ROS1: variants seen among roughly 807,000 people sequenced by gnomAD.
ROS1 encodes the protein ROS proto-oncogene 1, receptor tyrosine kinase.
ROS1 carries 263 observed loss-of-function variants against 273.5 expected under a neutral mutation model. That is an observed-to-expected ratio of 0.96 (90% CI 0.87 to 1.06). The LOEUF (loss-of-function observed/expected upper bound fraction) is 1.06. Ranked by LOEUF, ROS1 falls within the 50% of genes least tolerant of loss-of-function variation. ROS1 has a pLI of 0.00. For synonymous variants in ROS1, 1,008 were observed against 954.1 expected (o/e 1.06, Z -1.04); for missense variants, 2,833 against 2,751.1 (o/e 1.03, Z -0.67).
rs550292264 is a variant in ROS1 at position 117,409,724 on chromosome 6, G to A, written c.256-82C>T. ...AAGCTTCAACTAAATTTTAAAATCCGAATGCCTAATATGCAAGTATATCTT... is the reference window on the plus strand; with the variant it reads ...AAGCTTCAACTAAATTTTAAAATCCAAATGCCTAATATGCAAGTATATCTT... On this transcript the variant is annotated intron_variant, in intron 4 of 43. Coordinates refer to ENST00000368507, the MANE Select transcript of ROS1 (RefSeq NM_001378902.1). 6.9e-5 allele frequency: 73 copies of A among 1,055,546 alleles called. 1 individual carries two copies. The South Asian group carries it at 7.3e-4, about 11-fold the overall frequency. 65.4% of individuals were successfully genotyped at this position (1,055,546 alleles called of 1,614,324 possible).
At chr6:117,306,582 G>C (rs1446430087) in intron 42 of ROS1, among the ~76,000 whole-genome samples, 1 of 152,164 alleles carries the variant, frequency 6.6e-6, no homozygotes, top group Non-Finnish European at 1.5e-5. Context: ...ATTAATAGCT[G>C]AGTACAGCAT....
chr6:117,323,337 G>T (rs1361303164), intron 35 of ROS1, among the ~76,000 whole-genome samples: 1 of 152,166 alleles, frequency 6.6e-6, no homozygotes, highest in Non-Finnish European at 1.5e-5. Flanking sequence ...ACAGTAAAGT[G>T]TTGGCTGTCT....
intron 32 of ROS1, among the ~76,000 whole-genome samples, chr6:117,331,485 C>T (rs1777074065): frequency 6.6e-6 from 1 of 152,132 alleles, no homozygotes; most frequent in Admixed American, 6.5e-5. Flanking sequence ...TCGGCAAACA[C>T]AGAGAACACC....
intron 33 of ROS1, among the ~76,000 whole-genome samples, chr6:117,327,904 A>G (rs1776761683): frequency 6.6e-6 from 1 of 152,190 alleles, no homozygotes; most frequent in Non-Finnish European, 1.5e-5. Context: ...TGCACCTACG[A>G]GCCAAGGAAT....
rs1028345885 is a variant in ROS1, at chr6:117,365,177, G to T, written c.2986C>A (p.Pro996Thr). 2 of 1,610,256 alleles carry T rather than the reference G, an allele frequency of 1.2e-6. No homozygotes were observed. The highest frequency in any genetic ancestry group is 1.7e-6 in the Non-Finnish European group (2 of 1,177,736). The change falls in exon 21 of 44, where the codon CCT becomes ACT. Residue 996 changes from proline to threonine, a missense_variant. Transcript: ENST00000368507. ...KFLASEQHSL[P>T]VFTVEGLEPY... ...TCCAGTCCTTCCACAGTAAATACAG[G>T]TAAAGAGTGTTGTTCACTAGCCAAG... is the stretch of plus-strand genomic sequence containing the variant.
chr6:117,385,119 C>T (rs1027218854), intron 16 of ROS1, among the ~76,000 whole-genome samples: 6 of 152,190 alleles, frequency 3.9e-5, no homozygotes, highest in African/African-American at 1.2e-4. Context: ...TTGAATCATG[C>T]TTTTGGAGCA....
rs1381448586 is a variant in ROS1, at chr6:117,310,368, A to G, written c.6216-87T>C. ...AGAAGTAGCCCTAGTAGGTCTGTAAAGAAGAGAAACTATTTTTTTTTTTTT... is the reference window on the plus strand; with the variant it reads ...AGAAGTAGCCCTAGTAGGTCTGTAAGGAAGAGAAACTATTTTTTTTTTTTT... On this transcript the variant is annotated intron_variant, in intron 40 of 43. Transcript: ENST00000368507. 5.1e-6 allele frequency: 5 copies of G among 980,664 alleles called. No individual in the cohort carries two copies. The Admixed American group carries it at 1.4e-4, about 27-fold the overall frequency. 60.7% of individuals were successfully genotyped at this position (980,664 alleles called of 1,614,324 possible). A position where few individuals can be genotyped will look rare whatever the true frequency, so the allele number is the denominator to read the frequency against.
intron 7 of ROS1, among the ~76,000 whole-genome samples, chr6:117,400,720 C>T (rs1773863653): frequency 6.6e-6 from 1 of 152,190 alleles, no homozygotes; most frequent in African/African-American, 2.4e-5. Context: ...TGTCCCTCTT[C>T]TTCTTCCCAG....
At chr6:117,380,275 A>G (rs1436082631) in intron 17 of ROS1, among the ~76,000 whole-genome samples, 1 of 152,168 alleles carries the variant, frequency 6.6e-6, no homozygotes, top group Non-Finnish European at 1.5e-5. Context: ...ACAATAAGGT[A>G]TCCAAGAGCT....
At chr6:117,383,877 T>G (rs907178487) in intron 16 of ROS1, among the ~76,000 whole-genome samples, 5 of 152,238 alleles carry the variant, frequency 3.3e-5, no homozygotes, top group Admixed American at 1.3e-4. Flanking sequence ...AATGATGACA[T>G]CTCTCCTTGC....
intron 1 of ROS1, 27 bp from the exon 2 acceptor site, chr6:117,418,533 A>G (rs771110883): frequency 1.9e-6 from 3 of 1,580,316 alleles, no homozygotes; most frequent in South Asian, 2.3e-5. Context: ...GGTAGTAAAC[A>G]CCAGCCATCA....
In ROS1 at chr6:117,389,511, T is replaced by A. The variant is rs2128704470; in HGVS notation, c.1625A>T (p.Asp542Val). The A allele has an allele frequency of 1.2e-6, 2 of 1,614,150 alleles. No homozygotes were observed. Among genetic ancestry groups the A allele is most frequent in the Non-Finnish European group, 1.7e-6 (2 of 1,180,028 alleles). ...CCCAAATTCTTCTATGTGACTCAGGTCACATCCCACGATGAATTCATTAAA... is the reference window on the plus strand; with the variant it reads ...CCCAAATTCTTCTATGTGACTCAGGACACATCCCACGATGAATTCATTAAA... ...LSFNEFIVGC[D>V]LSHIEEFGFG... is the part of the protein sequence containing the mutation. The change falls in exon 13 of 44, where the codon GAC (aspartate) becomes GTC (valine). Residue 542 changes from aspartate to valine, a missense_variant. Coordinates refer to ENST00000368507, the MANE Select transcript of ROS1 (RefSeq NM_001378902.1).
chr6:117,321,292 C>G lies in ROS1; in HGVS notation c.5726G>C (p.Gly1909Ala). Residue 1909 changes from glycine to alanine, a missense_variant, in exon 36 of 44, where the codon GGA becomes GCA. Physicochemically the swap from Gly to Ala is moderately conservative, Grantham distance 60. Transcript: ENST00000368507. ...ATAGCAGGCATTAGCCAGGCCTACT[C>G]CGGCTGCCAGACCTCGCAGCTCAGC... ...ELAELRGLAA[G>A]VGLANACYAI... 6.2e-7 allele frequency: 1 copy of G among 1,613,856 alleles called. No homozygotes were observed. The highest frequency in any genetic ancestry group is 8.5e-7 in the Non-Finnish European group (1 of 1,179,846).
chr6:117,358,093 T>G (rs1257567997), intron 24 of ROS1, 84 bp from the exon 25 acceptor site: 2 of 843,446 alleles, frequency 2.4e-6, no homozygotes, highest in African/African-American at 1.7e-5. Flanking sequence ...CCATATCATT[T>G]GTTTACTGCA....
At position 117,308,822 on chromosome 6, in the gene ROS1, C is replaced by G. The variant is rs2128545962; in HGVS notation, c.6523G>C (p.Glu2175Gln). 1 of 1,612,834 alleles carries G rather than the reference C, an allele frequency of 6.2e-7. No individual in the cohort carries two copies. The highest frequency in any genetic ancestry group is 8.5e-7 in the Non-Finnish European group (1 of 1,179,460). Residue 2175 changes from glutamate to glutamine, a missense_variant, in exon 42 of 44, where the codon GAG (glutamate) becomes CAG (glutamine). Coordinates refer to ENST00000368507, the MANE Select transcript of ROS1 (RefSeq NM_001378902.1). Reference sequence around the variant, plus strand: ...TCATCAGGACAATTTCTTGGTGGCTCCAGTCTCCCTCCTGTTTGCACATAG... The same window carrying G: ...TCATCAGGACAATTTCTTGGTGGCTGCAGTCTCCCTCCTGTTTGCACATAG... The part of the protein sequence containing the change: ...LNYVQTGGRL[E>Q]PPRNCPDDLW...
Position 117,288,701 on chromosome 6 carries a change from T to C in ROS1, c.6817A>G (p.Thr2273Ala), listed in dbSNP as rs374450773. 8.1e-6 allele frequency: 13 copies of C among 1,614,012 alleles called. No individual in the cohort carries two copies. The African/African-American group carries it at 1.5e-4, about 18-fold the overall frequency. Residue 2273 changes from threonine (T) to alanine (A), a missense_variant, in exon 44 of 44, where the codon ACA becomes GCA. Thr to Ala is a moderately conservative substitution (Grantham distance 58, BLOSUM62 0). Transcript: ENST00000368507. ...TTTTCTTCACCTTGGCCACATTCTG[T>C]AGCAAGTACCATATAGTTTAACCCT... ...REGLNYMVLA[T>A]ECGQGEEKSE...
At position 117,425,752 on chromosome 6, in the gene ROS1, G is replaced by A. The variant is rs1230944571; in HGVS notation, c.-96C>T. 1 of 1,345,238 alleles carries A rather than the reference G, an allele frequency of 7.4e-7. No homozygotes were observed. The highest frequency in any genetic ancestry group is 1.0e-6 in the Non-Finnish European group (1 of 963,368). 83.3% of individuals were successfully genotyped at this position (1,345,238 alleles called of 1,614,324 possible). A position where few individuals can be genotyped will look rare whatever the true frequency, so the allele number is the denominator to read the frequency against. On this transcript the variant is annotated 5_prime_UTR_variant, in exon 1 of 44. Coordinates refer to ENST00000368507, the MANE Select transcript of ROS1 (RefSeq NM_001378902.1). ...CTTCATCACTTCAATTGGAGGAGTAGCTGATGGATTTTGCTTTGTTTGTTT... is the reference window on the plus strand; with the variant it reads ...CTTCATCACTTCAATTGGAGGAGTAACTGATGGATTTTGCTTTGTTTGTTT...
chr6:117,409,306 G>C (rs1774705753), intron 5 of ROS1, among the ~76,000 whole-genome samples: 1 of 152,128 alleles, frequency 6.6e-6, no homozygotes, highest in Non-Finnish European at 1.5e-5. Flanking sequence ...GTCATTAAGA[G>C]AGAAGTGAGT....
At chr6:117,425,482 A>G in intron 1 of ROS1, 52 bp downstream of exon 1, 2 of 1,517,146 alleles carry the variant, frequency 1.3e-6, no homozygotes, top group Non-Finnish European at 1.8e-6. Context: ...AACAAGCTGA[A>G]TGCTACATGT....
Sources: allele counts gnomAD v4.1 joint callset (sites outside exome capture counted in the v4.1 genomes callset), GRCh38; gene constraint gnomAD v4.1.1; transcripts MANE v1.5; gene names NCBI Gene and HGNC (gene_info 2026-07-23, HGNC 2026-07-21).